DTNA: variants seen among roughly 807,000 people sequenced by gnomAD.
DTNA encodes dystrophin-related protein 3.
DTNA carries 43 observed loss-of-function variants against 100.7 expected under a neutral mutation model. That is an observed-to-expected ratio of 0.43 (90% CI 0.33 to 0.55). The LOEUF is 0.55. Among genes scored for constraint, DTNA ranks in the 20% least tolerant of loss-of-function variants. The pLI is 0.04. For missense variants in DTNA, 798 were observed against 953.9 expected, an observed-to-expected ratio of 0.84 and a Z score of 2.15; for synonymous variants, 349 against 347.9, an observed-to-expected ratio of 1.00 and a Z score of -0.04.
intron 1 of DTNA, among the ~76,000 whole-genome samples, chr18:34,689,426 G>T (rs2079405631): frequency 6.6e-6 from 1 of 152,140 alleles, no homozygotes; most frequent in Non-Finnish European, 1.5e-5. Flanking sequence ...GCTGGAGTTT[G>T]CTGGAGGTCC....
intron 1 of DTNA, among the ~76,000 whole-genome samples, chr18:34,570,658 A>G (rs2047499199): frequency 6.6e-6 from 1 of 152,204 alleles, no homozygotes; most frequent in Non-Finnish European, 1.5e-5. Flanking sequence ...ATCTGGAGAA[A>G]TTATACTAGC....
rs1420026039 is a variant in DTNA, at chr18:34,680,880, C to T, written c.-1-75096C>T. Among the ~76,000 whole-genome samples the T allele has an allele frequency of 2.6e-5, 4 of 152,264 alleles. No homozygotes were observed. In the East Asian group the frequency reaches 7.7e-4, roughly 29 times the overall value. On this transcript the variant is annotated intron_variant, in intron 1 of 19. Transcript: ENST00000283365. ...CTGTTACCTTCAGGGCCATTCCTTG[C>T]CCTGCCCTGCCTCTCTTTATTCCAC...
intron 14 of DTNA, among the ~76,000 whole-genome samples, chr18:34,851,249 G>T (rs903915363): frequency 2.0e-5 from 3 of 152,032 alleles, no homozygotes; most frequent in Non-Finnish European, 4.4e-5. Context: ...TTACAGGTGT[G>T]TGCCACCAGG....
At chr18:34,626,152 A>G (rs2147986768) in intron 1 of DTNA, among the ~76,000 whole-genome samples, 1 of 152,340 alleles carries the variant, frequency 6.6e-6, no homozygotes, top group East Asian at 1.9e-4. Flanking sequence ...AGCTTTAGAC[A>G]GATGTACAAT....
chr18:34,627,886 G>C (rs994160214), intron 1 of DTNA, among the ~76,000 whole-genome samples: 1 of 152,190 alleles, frequency 6.6e-6, no homozygotes, highest in African/African-American at 2.4e-5. Flanking sequence ...TCTAACATTA[G>C]TTACTTGTAG....
chr18:34,528,593 AAAAG>A (rs1405971789), intron 1 of DTNA, among the ~76,000 whole-genome samples: 2 of 152,120 alleles, frequency 1.3e-5, no homozygotes, highest in Non-Finnish European at 2.9e-5. Flanking sequence ...AAGAGGAAAA[AAAAG>A]AAAGAACTAC....
intron 11 of DTNA, among the ~76,000 whole-genome samples, chr18:34,833,091 G>T (rs1462315245): frequency 2.6e-5 from 4 of 151,844 alleles, no homozygotes; most frequent in Non-Finnish European, 2.9e-5. Context: ...AATATAATTT[G>T]TTTCTATAAT....
chr18:34,742,511 C>T (rs1326023629), intron 1 of DTNA, among the ~76,000 whole-genome samples: 1 of 152,000 alleles, frequency 6.6e-6, no homozygotes, highest in Admixed American at 6.6e-5. Flanking sequence ...ACCAGGATAA[C>T]TCAGGTTAAT....
intron 11 of DTNA, among the ~76,000 whole-genome samples, chr18:34,834,083 C>T (rs192748313): frequency 1.3e-5 from 2 of 152,240 alleles, no homozygotes; most frequent in Admixed American, 6.5e-5. Flanking sequence ...CTAAATTAGT[C>T]CATAAAATAT....
chr18:34,825,187 T>C, intron 9 of DTNA: 1 of 1,588,184 alleles, frequency 6.3e-7, no homozygotes, highest in Non-Finnish European at 8.6e-7. Flanking sequence ...ATTTTGACAT[T>C]TGTTCTTAGC....
intron 1 of DTNA, among the ~76,000 whole-genome samples, chr18:34,690,561 C>G (rs2079608868): frequency 6.6e-6 from 1 of 152,190 alleles, no homozygotes; most frequent in Non-Finnish European, 1.5e-5. Context: ...GAGCTGCAGA[C>G]TGGAGCTGTT....
At chr18:34,834,509 A>G (rs924435276) in intron 11 of DTNA, among the ~76,000 whole-genome samples, 2 of 152,152 alleles carry the variant, frequency 1.3e-5, no homozygotes, top group Non-Finnish European at 2.9e-5. Context: ...GTCTCAAAAA[A>G]AAAAAAGAGG....
Position 34,884,531 on chromosome 18 carries a change from GGA to G in DTNA, c.2296-194_2296-193del, listed in dbSNP as rs10554763. On this transcript the variant is annotated intron_variant, in intron 21 of 22. Transcript: ENST00000444659. ...CTCCACTCAAAACATACTCCCTGGAGGAGATGTCAAAGTGGTTTTCCTTGAAT... is the reference window on the plus strand; with the variant it reads ...CTCCACTCAAAACATACTCCCTGGAGGATGTCAAAGTGGTTTTCCTTGAAT... 0.29 allele frequency among the ~76,000 whole-genome samples: 44,414 copies of G among 151,886 alleles called. 8,474 individuals are homozygous for G. The highest frequency in any genetic ancestry group is 0.54 in the African/African-American group (22,381 of 41,330).
intron 11 of DTNA, 58 bp from the exon 12 acceptor site, chr18:34,838,036 A>G: frequency 6.6e-7 from 1 of 1,508,198 alleles, no homozygotes; most frequent in Non-Finnish European, 9.2e-7. Context: ...GCCAGTTTCT[A>G]TTCTTGAATG....
At chr18:34,583,252 A>AC (rs1470851932) in intron 1 of DTNA, among the ~76,000 whole-genome samples, 3 of 152,156 alleles carry the variant, frequency 2.0e-5, no homozygotes, top group Admixed American at 6.6e-5. Flanking sequence ...ATAATTACAT[A>AC]CCTTGCTGGG....
chr18:34,496,244 A>ACACACACACCCC (rs1367443521), intron 1 of DTNA, among the ~76,000 whole-genome samples: 2 of 147,426 alleles, frequency 1.4e-5, no homozygotes, highest in African/African-American at 5.0e-5. Flanking sequence ...ACACACACAC[A>ACACACACACCCC]CCAGAATTAT....
intron 1 of DTNA, among the ~76,000 whole-genome samples, chr18:34,736,984 G>T (rs182480273): frequency 6.6e-6 from 1 of 152,294 alleles, no homozygotes; most frequent in Non-Finnish European, 1.5e-5. Flanking sequence ...TTCTCACTTG[G>T]TATGGCTTGG....
chr18:34,864,351 C>T (rs181215822), intron 17 of DTNA, among the ~76,000 whole-genome samples: 2 of 151,296 alleles, frequency 1.3e-5, no homozygotes, highest in African/African-American at 4.9e-5. Context: ...CCCGGGTTCA[C>T]GCCATTCTCC....
intron 1 of DTNA, among the ~76,000 whole-genome samples, chr18:34,583,626 T>A (rs2048845930): frequency 6.6e-6 from 1 of 151,700 alleles, no homozygotes; most frequent in African/African-American, 2.4e-5. Flanking sequence ...ATGAGTGGTA[T>A]GTGTTTTTAG....
Sources: gnomAD v4.1 joint callset for allele counts (sites outside exome capture counted in the v4.1 genomes callset) on GRCh38, gnomAD v4.1.1 for gene constraint, MANE v1.5 for transcripts, NCBI Gene and HGNC (gene_info 2026-07-23, HGNC 2026-07-21) for gene names.